ATRNL1: variants seen among roughly 807,000 people sequenced by gnomAD.
The protein encoded by ATRNL1 is attractin-like protein 1.
In ATRNL1, 95 loss-of-function variants were observed where a neutral mutation model predicts 182.7. The observed-to-expected ratio is 0.52, with a 90% CI of 0.44 to 0.62. The LOEUF is 0.62. ATRNL1 is among the 20% of genes least tolerant of loss of function. The probability of loss-of-function intolerance (pLI) is 0.00; values close to 1 mark genes in which losing one functional copy is unlikely to be tolerated. For synonymous variants in ATRNL1, 576 were observed against 568.3 expected (o/e 1.01, Z -0.19); for missense variants, 1,471 against 1,679.5 (o/e 0.88, Z 2.17).
chr10:115,451,671 A>G (rs1847288351), intron 21 of ATRNL1, among the ~76,000 whole-genome samples: 1 of 152,184 alleles, frequency 6.6e-6, no homozygotes, highest in African/African-American at 2.4e-5. Flanking sequence ...GGGAGTGTAA[A>G]TTAGTTCACC....
At chr10:115,537,363 A>G (rs1353508486) in intron 25 of ATRNL1, among the ~76,000 whole-genome samples, 1 of 152,198 alleles carries the variant, frequency 6.6e-6, no homozygotes, top group Non-Finnish European at 1.5e-5. Flanking sequence ...AATTTACTGT[A>G]CTGGGAAACA....
intron 26 of ATRNL1, among the ~76,000 whole-genome samples, chr10:115,725,954 T>TA: frequency 6.6e-6 from 1 of 152,204 alleles, no homozygotes; most frequent in African/African-American, 2.4e-5. Context: ...ATGAATTTGT[T>TA]ACTTCAAAAA....
At chr10:115,659,942 A>T (rs765183357) in intron 26 of ATRNL1, among the ~76,000 whole-genome samples, 170 of 152,320 alleles carry the variant, frequency 1.1e-3, no homozygotes, top group Non-Finnish European at 2.1e-3. Context: ...TATGGGTCAG[A>T]TTATAAAGGA....
intron 25 of ATRNL1, among the ~76,000 whole-genome samples, chr10:115,531,266 T>C (rs1554988166): frequency 6.6e-6 from 1 of 152,072 alleles, no homozygotes; most frequent in African/African-American, 2.4e-5. Flanking sequence ...TGTTCCTATT[T>C]CTCCACATCC....
chr10:115,627,569 T>A (rs549591800), intron 26 of ATRNL1, among the ~76,000 whole-genome samples: 7 of 152,180 alleles, frequency 4.6e-5, no homozygotes, highest in Admixed American at 2.6e-4. Context: ...TTTCACCAAG[T>A]TGGCCAGGCT....
At chr10:115,808,414 G>A (rs2960688) in intron 27 of ATRNL1, among the ~76,000 whole-genome samples, 35,732 of 151,820 alleles carry the variant, frequency 0.24, 4,683 homozygotes, top group African/African-American at 0.35. Flanking sequence ...TTCATAATTC[G>A]TTCATTCATC....
intron 28 of ATRNL1, among the ~76,000 whole-genome samples, chr10:115,875,922 TTG>T (rs1284518207): frequency 2.6e-5 from 4 of 152,118 alleles, no homozygotes; most frequent in Non-Finnish European, 5.9e-5. Context: ...AGCAGAAACT[TTG>T]AAGGATGACT....
At chr10:115,191,189 A>G (rs936099798) in intron 8 of ATRNL1, among the ~76,000 whole-genome samples, 14 of 152,278 alleles carry the variant, frequency 9.2e-5, no homozygotes, top group Middle Eastern at 3.4e-3. Context: ...GGGAACGCAG[A>G]TATCTCTTTG....
chr10:115,312,332 T>C (rs1490002714), intron 17 of ATRNL1, among the ~76,000 whole-genome samples: 1 of 152,168 alleles, frequency 6.6e-6, no homozygotes, highest in Non-Finnish European at 1.5e-5. Context: ...TTTGCTTGTC[T>C]GAAAAGGACT....
rs113951218 is a variant in ATRNL1, at chr10:115,611,236, A to C, written c.3795+61700A>C. On this transcript the variant is annotated intron_variant, in intron 26 of 28. Coordinates refer to ENST00000355044, the MANE Select transcript of ATRNL1 (RefSeq NM_207303.4). ...AGGTAAATCATAAGAAAATTGGAAA[A>C]ATAATTTCGTATCTAATGTGCAATC... is the stretch of plus-strand genomic sequence containing the variant. Among the ~76,000 whole-genome samples the C allele has an allele frequency of 5.8e-3, 878 of 152,204 alleles. 5 individuals carry two copies. Among genetic ancestry groups the C allele is most frequent in the Non-Finnish European group, 9.2e-3 (625 of 67,964 alleles).
At chr10:115,448,032 T>C (rs992538451) in intron 21 of ATRNL1, among the ~76,000 whole-genome samples, 9 of 152,270 alleles carry the variant, frequency 5.9e-5, no homozygotes, top group African/African-American at 1.9e-4. Context: ...AAGTTTCTCT[T>C]CTTTGAATTG....
intron 26 of ATRNL1, among the ~76,000 whole-genome samples, chr10:115,653,425 C>T (rs1860135419): frequency 6.6e-6 from 1 of 152,108 alleles, no homozygotes; most frequent in South Asian, 2.1e-4. Context: ...TTCTCTTCAC[C>T]CTAACTGGCT....
intron 26 of ATRNL1, among the ~76,000 whole-genome samples, chr10:115,582,749 A>G (rs1855211419): frequency 6.7e-6 from 1 of 149,488 alleles, no homozygotes; most frequent in South Asian, 2.2e-4. Context: ...CTTGAGTTTA[A>G]TTAGATCCCA....
In ATRNL1 at chr10:115,135,475, C is replaced by G. The variant is rs559842686; in HGVS notation, c.829+5940C>G. On this transcript the variant is annotated intron_variant, in intron 5 of 28. Coordinates refer to ENST00000355044, the MANE Select transcript of ATRNL1 (RefSeq NM_207303.4). Reference sequence around the variant, plus strand: ...ATAAAATACCTAGGAATCCAACTTACAAGGGACGTGAAGGACCTCTTCAAG... The same window carrying G: ...ATAAAATACCTAGGAATCCAACTTAGAAGGGACGTGAAGGACCTCTTCAAG... 3.9e-5 allele frequency among the ~76,000 whole-genome samples: 6 copies of G among 152,264 alleles called. No individual in the cohort carries two copies. The South Asian group carries it at 1.2e-3, about 32-fold the overall frequency.
chr10:115,117,872 T>A (rs1844561323), intron 1 of ATRNL1, among the ~76,000 whole-genome samples: 1 of 152,128 alleles, frequency 6.6e-6, no homozygotes, highest in South Asian at 2.1e-4. Context: ...TCTTACTACC[T>A]GTCTTTTGGA....
chr10:115,864,271 G>GAA (rs527752228), intron 28 of ATRNL1, among the ~76,000 whole-genome samples: 6 of 89,266 alleles, frequency 6.7e-5, no homozygotes, highest in Non-Finnish European at 5.0e-5. Flanking sequence ...AGTGTCACAA[G>GAA]AAAAAAAAAA....
chr10:115,236,819 A>C (rs945909299), intron 9 of ATRNL1, among the ~76,000 whole-genome samples: 1 of 152,172 alleles, frequency 6.6e-6, no homozygotes, highest in Non-Finnish European at 1.5e-5. Context: ...GATTTTCACA[A>C]ATGTATAGTG....
intron 28 of ATRNL1, among the ~76,000 whole-genome samples, chr10:115,885,974 T>C (rs185078215): frequency 9.2e-5 from 14 of 152,328 alleles, no homozygotes; most frequent in Non-Finnish European, 1.6e-4. Context: ...TCTAAGTTAT[T>C]ACCTTGTGAC....
intron 22 of ATRNL1, among the ~76,000 whole-genome samples, chr10:115,465,447 G>A (rs1848006763): frequency 6.6e-6 from 1 of 151,592 alleles, no homozygotes; most frequent in African/African-American, 2.4e-5. Context: ...GAGTTGCTCA[G>A]TTATTTTTCT....
Sources: gnomAD v4.1 joint callset for allele counts (sites outside exome capture counted in the v4.1 genomes callset) on GRCh38, gnomAD v4.1.1 for gene constraint, MANE v1.5 for transcripts, NCBI Gene and HGNC (gene_info 2026-07-23, HGNC 2026-07-21) for gene names.